The following LAMA1 variants were observed in gnomAD, a reference collection of about 807,000 sequenced individuals.
LAMA1 encodes the protein laminin subunit alpha 1.
LAMA1 carries 219 observed loss-of-function variants against 348.7 expected under a neutral mutation model. The observed-to-expected ratio is 0.63, with a 90% CI of 0.56 to 0.70. LAMA1 has a LOEUF of 0.70. Ranked by LOEUF, LAMA1 falls within the 30% of genes least tolerant of loss-of-function variation. The probability of loss-of-function intolerance (pLI) is 0.00; values close to 1 mark genes in which losing one functional copy is unlikely to be tolerated. For missense variants in LAMA1, 3,744 were observed against 3,888.0 expected (o/e 0.96, Z 0.99); for synonymous variants, 1,487 against 1,491.0 (o/e 1.00, Z 0.06).
chr18:7,081,824 T>C (rs1214264166), intron 1 of LAMA1, among the ~76,000 whole-genome samples: 1 of 152,178 alleles, frequency 6.6e-6, no homozygotes, highest in East Asian at 1.9e-4. Flanking sequence ...TACAGCTTGA[T>C]CTTAAAAGAT....
At chr18:7,045,724 A>G (rs2058039325) in intron 6 of LAMA1, among the ~76,000 whole-genome samples, 1 of 151,878 alleles carries the variant, frequency 6.6e-6, no homozygotes. Flanking sequence ...ACGCCCCACT[A>G]ATTTTTGTAT....
At chr18:7,099,501 A>G (rs2058282633) in intron 1 of LAMA1, among the ~76,000 whole-genome samples, 1 of 151,828 alleles carries the variant, frequency 6.6e-6, no homozygotes, top group African/African-American at 2.4e-5. Context: ...CAAAAAAAAA[A>G]ATGAACTTAC....
rs779994871 is a variant in LAMA1 at position 6,975,991 on chromosome 18, A to G, written c.6435T>C (p.Asn2145=). 3.7e-6 allele frequency: 6 copies of G among 1,614,090 alleles called. No homozygotes were observed. The highest frequency in any genetic ancestry group is 1.3e-5 in the African/African-American group (1 of 74,924). ...SSTNYNTLTL[N]VKTQEPDNLL... ...GATTATCGGGTTCCTGTGTCTTAACATTTAGTGTTAAGGTATTGTAGTTGG... is the reference window on the plus strand; with the variant it reads ...GATTATCGGGTTCCTGTGTCTTAACGTTTAGTGTTAAGGTATTGTAGTTGG... Residue 2145 remains asparagine, a synonymous_variant, in exon 45 of 63, where the codon AAT becomes AAC. Transcript: ENST00000389658.
At chr18:6,988,761 C>T (rs12604951) in intron 36 of LAMA1, among the ~76,000 whole-genome samples, 20,200 of 146,212 alleles carry the variant, frequency 0.14, 1,366 homozygotes, top group South Asian at 0.16. Flanking sequence ...GAGCTAAGAT[C>T]GCACCACTGA....
intron 29 of LAMA1, among the ~76,000 whole-genome samples, chr18:7,005,229 A>G (rs778339595): frequency 6.6e-6 from 1 of 152,198 alleles, no homozygotes; most frequent in Non-Finnish European, 1.5e-5. Flanking sequence ...GTATCTGTTA[A>G]GATCCCATCA....
chr18:7,098,896 G>T (rs1317859003), intron 1 of LAMA1, among the ~76,000 whole-genome samples: 1 of 142,434 alleles, frequency 7.0e-6, no homozygotes, highest in East Asian at 2.2e-4. Flanking sequence ...GGTGAGGGGC[G>T]CCTCTGCCCG....
intron 16 of LAMA1, among the ~76,000 whole-genome samples, chr18:7,029,355 A>G (rs1381424074): frequency 1.3e-5 from 2 of 152,222 alleles, no homozygotes; most frequent in Non-Finnish European, 2.9e-5. Flanking sequence ...ATGAATCCAA[A>G]TTAATTCAAG....
Position 7,008,565 on chromosome 18 carries a change from G to C in LAMA1, c.4045C>G (p.Leu1349Val), listed in dbSNP as rs2057844066. 6.2e-7 allele frequency: 1 copy of C among 1,614,052 alleles called. No individual in the cohort carries two copies. The highest frequency in any genetic ancestry group is 8.5e-7 in the Non-Finnish European group (1 of 1,179,970). ...SMEVGRKAEK[L>V]HPEEEVASLL... ...GATGCAACCTCTTCTTCTGGGTGCA[G>C]CTTTTCAGCCTTTCTGCCAACCTCC... is the stretch of plus-strand genomic sequence containing the variant. Residue 1349 changes from leucine to valine, a missense_variant, in exon 28 of 63, where the codon CTG becomes GTG. Around this residue, in one of 3 missense-constraint regions of LAMA1, gnomAD observed 1,983 missense variants for 1,934.3 expected, o/e 1.03. Coordinates refer to ENST00000389658, the MANE Select transcript of LAMA1 (RefSeq NM_005559.4).
intron 1 of LAMA1, among the ~76,000 whole-genome samples, chr18:7,092,787 C>T (rs1279921302): frequency 3.9e-5 from 6 of 152,168 alleles, no homozygotes; most frequent in East Asian, 1.9e-4. Context: ...TTGGTCTCCA[C>T]GCTACATATA....
At chr18:6,990,996 A>G (rs17440727) in intron 36 of LAMA1, among the ~76,000 whole-genome samples, 65,408 of 151,802 alleles carry the variant, frequency 0.43, 14,664 homozygotes, top group East Asian at 0.7. Context: ...AAGAGAAGCC[A>G]GCACTCTCCT....
At chr18:6,974,761 G>T in intron 46 of LAMA1, 142 bp downstream of exon 46, 1 of 1,133,026 alleles carries the variant, frequency 8.8e-7, no homozygotes, top group Non-Finnish European at 1.3e-6. Context: ...TATTTCTACA[G>T]CTAACCTAAA....
chr18:7,011,279 T>TCGG, intron 25 of LAMA1, 21 bp downstream of exon 25: 2 of 1,609,198 alleles, frequency 1.2e-6, no homozygotes, highest in Non-Finnish European at 8.5e-7. Context: ...CGACTGGCTC[T>TCGG]CGGCTGGGCG....
intron 1 of LAMA1, among the ~76,000 whole-genome samples, chr18:7,098,477 T>C (rs549909265): frequency 1.3e-5 from 2 of 148,824 alleles, no homozygotes; most frequent in South Asian, 4.3e-4. Context: ...TCGTCTAAGA[T>C]GTGGGGAGCG....
chr18:7,117,743 G>T lies in LAMA1; in HGVS notation c.-23C>A. ...CATCTCGCCTCCGCCGCCACTCGGTGGGTCTGGGGAGAAAGCCGCGCGCCC... is the reference window on the plus strand; with the variant it reads ...CATCTCGCCTCCGCCGCCACTCGGTTGGTCTGGGGAGAAAGCCGCGCGCCC... On this transcript the variant is annotated 5_prime_UTR_variant, in exon 1 of 63. Coordinates refer to ENST00000389658, the MANE Select transcript of LAMA1 (RefSeq NM_005559.4). The T allele has an allele frequency of 6.3e-7, 1 of 1,593,332 alleles. No homozygotes were observed. The highest frequency in any genetic ancestry group is 8.5e-7 in the Non-Finnish European group (1 of 1,176,160).
chr18:7,010,625 C>T (rs558755539), intron 25 of LAMA1, among the ~76,000 whole-genome samples: 1 of 152,172 alleles, frequency 6.6e-6, no homozygotes, highest in Non-Finnish European at 1.5e-5. Flanking sequence ...AATAACAAAT[C>T]AATGTGGTAG....
At chr18:6,996,624 A>T (rs1202749380) in intron 33 of LAMA1, among the ~76,000 whole-genome samples, 2 of 151,882 alleles carry the variant, frequency 1.3e-5, no homozygotes, top group African/African-American at 2.4e-5. Flanking sequence ...AATAAAAATA[A>T]AAGAACTAGC....
chr18:7,095,644 A>G (rs1052974724), intron 1 of LAMA1, among the ~76,000 whole-genome samples: 1 of 152,234 alleles, frequency 6.6e-6, no homozygotes. Flanking sequence ...TGAATTTGGC[A>G]TCTGTTTCCT....
At position 6,977,760 on chromosome 18, in the gene LAMA1, C is replaced by T. The variant is rs770448829; in HGVS notation, c.6312G>A (p.Leu2104=). ...NLSRNLSEIK[L]LISQARKQAA... ...CTTGTTTGCGGGCCTGGCTGATCAA[C>T]AGTTTAATTTCTGATAGGTTTCTGC... is the stretch of plus-strand genomic sequence containing the variant. Residue 2104 remains leucine (L), a synonymous_variant, in exon 44 of 63, where the codon CTG becomes CTA. Coordinates refer to ENST00000389658, the MANE Select transcript of LAMA1 (RefSeq NM_005559.4). 1.9e-6 allele frequency: 3 copies of T among 1,614,152 alleles called. No individual in the cohort carries two copies. Among genetic ancestry groups the T allele is most frequent in the East Asian group, 2.2e-5 (1 of 44,864 alleles).
intron 29 of LAMA1, among the ~76,000 whole-genome samples, chr18:7,004,451 C>A (rs2057823111): frequency 6.6e-6 from 1 of 152,122 alleles, no homozygotes; most frequent in Admixed American, 6.5e-5. Flanking sequence ...CTCCTGGGTT[C>A]AAGTGATTCT....
Sources: allele counts gnomAD v4.1 joint callset (sites outside exome capture counted in the v4.1 genomes callset), GRCh38; gene constraint gnomAD v4.1.1; regional missense constraint gnomAD v4.1.1; transcripts MANE v1.5; gene names NCBI Gene and HGNC (gene_info 2026-07-23, HGNC 2026-07-21).